Variants in TRABD2B observed in about 807,000 individuals in gnomAD.
TRABD2B encodes the protein metalloprotease TIKI2.
TRABD2B carries 14 observed loss-of-function variants against 40.1 expected under a neutral mutation model. The ratio of observed to expected loss-of-function variants is 0.35; its 90% CI spans 0.23 to 0.55. TRABD2B has a LOEUF of 0.55. Among genes scored for constraint, TRABD2B ranks in the 20% least tolerant of loss-of-function variants. The probability of loss-of-function intolerance (pLI) is 0.90; values close to 1 mark genes in which losing one functional copy is unlikely to be tolerated. For synonymous variants in TRABD2B, 263 were observed against 277.0 expected, an observed-to-expected ratio of 0.95 and a Z score of 0.50; for missense variants, 541 against 648.6, an observed-to-expected ratio of 0.83 and a Z score of 1.80.
At chr1:47,867,181 A>C (rs375008161) in intron 2 of TRABD2B, among the ~76,000 whole-genome samples, 181 of 152,368 alleles carry the variant, frequency 1.2e-3, no homozygotes, top group African/African-American at 3.8e-3. Flanking sequence ...GACTTTAGCC[A>C]AGAGGGAAGG....
intron 2 of TRABD2B, among the ~76,000 whole-genome samples, chr1:47,880,962 G>C (rs557622359): frequency 6.6e-6 from 1 of 152,150 alleles, no homozygotes; most frequent in South Asian, 2.1e-4. Context: ...AGTGAGGTTC[G>C]GAGAGAGACG....
At chr1:47,979,729 C>T (rs963143932) in intron 2 of TRABD2B, among the ~76,000 whole-genome samples, 2 of 152,176 alleles carry the variant, frequency 1.3e-5, no homozygotes, top group East Asian at 1.9e-4. Context: ...CCTCCAGCAA[C>T]GACGTTAGAA....
chr1:47,903,500 T>C (rs1644631922), intron 2 of TRABD2B, among the ~76,000 whole-genome samples: 1 of 152,126 alleles, frequency 6.6e-6, no homozygotes, highest in Admixed American at 6.5e-5. Context: ...GCACTGTGTC[T>C]GTGCCCCCAG....
At position 47,813,166 on chromosome 1, in the gene TRABD2B, T is replaced by C. The variant is rs897771252; in HGVS notation, c.667-11547A>G. 6.6e-6 allele frequency among the ~76,000 whole-genome samples: 1 copy of C among 152,212 alleles called. No homozygotes were observed. Among genetic ancestry groups the C allele is most frequent in the African/African-American group, 2.4e-5 (1 of 41,458 alleles). ...TCAAAAGGCAAGTCTCCATTTTCAT[T>C]TGCAAAATCAGTATGAAATTCCTAG... On this transcript the variant is annotated intron_variant, in intron 2 of 6. Coordinates refer to ENST00000606738, the MANE Select transcript of TRABD2B (RefSeq NM_001194986.2). This position sits in a 1 kb window ranked among gnomAD's most constrained non-coding sequence, Gnocchi z 4.3.
intron 2 of TRABD2B, among the ~76,000 whole-genome samples, chr1:47,828,384 G>A (rs914937618): frequency 6.6e-6 from 1 of 152,178 alleles, no homozygotes; most frequent in African/African-American, 2.4e-5. Flanking sequence ...TATAGGCAGA[G>A]GGGTGAGTGG....
intron 5 of TRABD2B, among the ~76,000 whole-genome samples, chr1:47,777,354 AG>A (rs1644461498): frequency 6.6e-6 from 1 of 152,212 alleles, no homozygotes; most frequent in East Asian, 1.9e-4. Context: ...CGGTTCAGGT[AG>A]GAAGAGCAGC....
chr1:47,954,783 T>C (rs1645394819), intron 2 of TRABD2B, among the ~76,000 whole-genome samples: 1 of 152,154 alleles, frequency 6.6e-6, no homozygotes, highest in Admixed American at 6.5e-5. Flanking sequence ...GCTTCCTGCA[T>C]CTCTGGCCAT....
intron 2 of TRABD2B, among the ~76,000 whole-genome samples, chr1:47,836,648 C>T (rs942892136): frequency 3.3e-5 from 5 of 152,202 alleles, no homozygotes; most frequent in African/African-American, 1.2e-4. Flanking sequence ...ATGTTTTTGT[C>T]CCCTCAAAGT....
Position 47,763,105 on chromosome 1 carries a change from C to G in TRABD2B, c.*2797G>C, listed in dbSNP as rs561711478. On this transcript the variant is annotated 3_prime_UTR_variant, in exon 7 of 7. Transcript: ENST00000606738. ...AAATGTCAGTTAGTGGTGGATAGAT[C>G]GTGTCAAAGGTGTGGGTTGCTGCTT... is the stretch of plus-strand genomic sequence containing the variant. The G allele has an allele frequency of 1.2e-4, 19 of 152,286 alleles. No homozygotes were observed. Among genetic ancestry groups the G allele is most frequent in the African/African-American group, 4.3e-4 (18 of 41,552 alleles). The allele number at this position is 152,286 out of a possible 1,614,324, so 9.4% of individuals were successfully genotyped here. A position where few individuals can be genotyped will look rare whatever the true frequency, so the allele number is the denominator to read the frequency against.
intron 2 of TRABD2B, among the ~76,000 whole-genome samples, chr1:47,942,571 C>T (rs1645202421): frequency 6.6e-6 from 1 of 152,190 alleles, no homozygotes; most frequent in African/African-American, 2.4e-5. Context: ...CACCCACCTA[C>T]TGCCCTCCTG....
At chr1:47,839,552 A>T (rs1645366557) in intron 2 of TRABD2B, among the ~76,000 whole-genome samples, 1 of 152,162 alleles carries the variant, frequency 6.6e-6, no homozygotes, top group Non-Finnish European at 1.5e-5. Context: ...GATCCCTGCC[A>T]TCCACGCTCC....
At chr1:47,945,396 T>C (rs927392944) in intron 2 of TRABD2B, among the ~76,000 whole-genome samples, 1 of 152,228 alleles carries the variant, frequency 6.6e-6, no homozygotes, top group African/African-American at 2.4e-5. Context: ...AAAGCTTTAC[T>C]AGCCTGCTCT....
At chr1:47,832,459 G>A (rs565608325) in intron 2 of TRABD2B, among the ~76,000 whole-genome samples, 1 of 152,136 alleles carries the variant, frequency 6.6e-6, no homozygotes, top group Non-Finnish European at 1.5e-5. Flanking sequence ...TCCTGTTTTG[G>A]GGGGGATGAT....
intron 2 of TRABD2B, among the ~76,000 whole-genome samples, chr1:47,835,171 G>A (rs1645301993): frequency 6.6e-6 from 1 of 152,148 alleles, no homozygotes; most frequent in Non-Finnish European, 1.5e-5. Context: ...AAATTCACTA[G>A]AGGAGCTCAA....
At chr1:47,984,851 G>A (rs564255625) in intron 2 of TRABD2B, among the ~76,000 whole-genome samples, 2 of 137,078 alleles carry the variant, frequency 1.5e-5, no homozygotes, top group Admixed American at 7.3e-5. Flanking sequence ...ACACCTGCAC[G>A]GATGCTGTGT....
At chr1:47,792,527 T>G (rs996816639) in intron 4 of TRABD2B, among the ~76,000 whole-genome samples, 2 of 152,156 alleles carry the variant, frequency 1.3e-5, no homozygotes, top group Non-Finnish European at 2.9e-5. Context: ...CAGGATTCAC[T>G]GGGGACTGAT....
At chr1:47,879,398 T>C (rs1457350294) in intron 2 of TRABD2B, among the ~76,000 whole-genome samples, 2 of 152,234 alleles carry the variant, frequency 1.3e-5, no homozygotes, top group Non-Finnish European at 2.9e-5. Flanking sequence ...TGTGTTACAA[T>C]TGCCTACAAT....
At chr1:47,850,704 C>T (rs981868333) in intron 2 of TRABD2B, among the ~76,000 whole-genome samples, 15 of 152,134 alleles carry the variant, frequency 9.9e-5, no homozygotes, top group South Asian at 2.1e-4. Flanking sequence ...GAAGTGCAGA[C>T]GGGAGGGAGG....
intron 4 of TRABD2B, among the ~76,000 whole-genome samples, chr1:47,780,561 C>T (rs2124104717): frequency 6.6e-6 from 1 of 152,218 alleles, no homozygotes; most frequent in South Asian, 2.1e-4. Context: ...GGGAACTGTT[C>T]ACACAGGAGG....
Sources: gnomAD v4.1 joint callset for allele counts (sites outside exome capture counted in the v4.1 genomes callset) on GRCh38, gnomAD v4.1.1 for gene constraint, Gnocchi (gnomAD v3.1) non-coding constraint, MANE v1.5 for transcripts, NCBI Gene and HGNC (gene_info 2026-07-23, HGNC 2026-07-21) for gene names.